Variants in SV2B observed in about 807,000 individuals in gnomAD.
The protein encoded by SV2B is solute carrier family 22 member B2.
Under a neutral mutation model 73.9 loss-of-function variants are expected in SV2B, and 41 were observed. That is an observed-to-expected ratio of 0.56 (90% confidence interval 0.43 to 0.72). SV2B has a LOEUF of 0.72. Among genes scored for constraint, SV2B ranks in the 30% least tolerant of loss-of-function variants. The probability of loss-of-function intolerance (pLI) is 0.00; values close to 1 mark genes in which losing one functional copy is unlikely to be tolerated. For missense variants in SV2B, 764 were observed against 857.8 expected (o/e 0.89, Z 1.37); for synonymous variants, 314 against 314.2 (o/e 1.00, Z 0.01).
chr15:91,270,471 A>G (rs2048255372), intron 9 of SV2B, among the ~76,000 whole-genome samples: 1 of 152,210 alleles, frequency 6.6e-6, no homozygotes, highest in African/African-American at 2.4e-5. Flanking sequence ...TCTATCTCCC[A>G]ACCCATGCAT....
chr15:91,126,447 G>A (rs1366471153), intron 1 of SV2B, among the ~76,000 whole-genome samples: 1 of 152,214 alleles, frequency 6.6e-6, no homozygotes, highest in East Asian at 1.9e-4. Context: ...AATAGTGGGA[G>A]AGAGACCTGT....
intron 1 of SV2B, among the ~76,000 whole-genome samples, chr15:91,102,581 C>T (rs1183611012): frequency 6.6e-6 from 1 of 152,020 alleles, no homozygotes. Context: ...CCAAAAAAGC[C>T]CTCTCTCAAG....
chr15:91,201,859 C>G (rs1277885002), intron 1 of SV2B, among the ~76,000 whole-genome samples: 1 of 152,176 alleles, frequency 6.6e-6, no homozygotes, highest in Non-Finnish European at 1.5e-5. Context: ...CAAGAGACTC[C>G]TATTTGGGCT....
intron 1 of SV2B, among the ~76,000 whole-genome samples, chr15:91,163,058 C>T (rs2043781644): frequency 1.3e-5 from 2 of 152,236 alleles, no homozygotes; most frequent in Admixed American, 1.3e-4. Flanking sequence ...ATGATGGTTT[C>T]CAGCTTCATC....
At position 91,144,834 on chromosome 15, in the gene SV2B, G is replaced by T. The variant is rs117493378; in HGVS notation, c.-392+44471G>T. Among the ~76,000 whole-genome samples the T allele has an allele frequency of 4.7e-4, 71 of 151,180 alleles. 3 individuals carry two copies. The South Asian group carries it at 0.013, about 27-fold the overall frequency. ...TAATTAACTCCAATCTATTTCTGCC[G>T]TGTTAATTAATGTGTGCATACAGAA... On this transcript the variant is annotated intron_variant, in intron 1 of 12. Transcript: ENST00000394232.
chr15:91,284,945 CA>C lies in SV2B; in HGVS notation c.1708+725del, dbSNP rs1173310060. ...GAAGCAAAATGTACAGATTGAGGAC[CA>C]GGGGAAATGCACATTAGAATATGAG... On this transcript the variant is annotated intron_variant, in intron 11 of 12. Transcript: ENST00000394232. This position sits in a 1 kb window ranked among gnomAD's most constrained non-coding sequence, Gnocchi z 4.5. Among the ~76,000 whole-genome samples, 2 of 152,018 alleles carry C rather than the reference CA, an allele frequency of 1.3e-5. No homozygotes were observed. Among genetic ancestry groups the C allele is most frequent in the East Asian group, 3.9e-4 (2 of 5,186 alleles).
chr15:91,169,973 AT>A (rs1482492505), intron 1 of SV2B, among the ~76,000 whole-genome samples: 3 of 152,200 alleles, frequency 2.0e-5, no homozygotes, highest in Non-Finnish European at 4.4e-5. Context: ...AAGAGAATCA[AT>A]TACTTTCCGA....
At chr15:91,135,288 A>G (rs1192584843) in intron 1 of SV2B, among the ~76,000 whole-genome samples, 2 of 152,022 alleles carry the variant, frequency 1.3e-5, no homozygotes, top group Non-Finnish European at 2.9e-5. Flanking sequence ...TCAAAAACCA[A>G]TTTTCATCCC....
chr15:91,275,758 G>A (rs2048463900), intron 9 of SV2B, among the ~76,000 whole-genome samples: 1 of 152,160 alleles, frequency 6.6e-6, no homozygotes, highest in Non-Finnish European at 1.5e-5. Flanking sequence ...CCTGGAAGGT[G>A]AAGGTTGCAG....
chr15:91,206,734 TGTTC>T (rs1161315320), intron 1 of SV2B, among the ~76,000 whole-genome samples: 1 of 152,208 alleles, frequency 6.6e-6, no homozygotes, highest in African/African-American at 2.4e-5. Flanking sequence ...AGGATATAAA[TGTTC>T]GACCTAGTAC....
rs1181899659 is a variant in SV2B at position 91,293,122 on chromosome 15, A to G, written c.*570A>G. The G allele has an allele frequency of 6.6e-6, 1 of 152,300 alleles. No individual in the cohort carries two copies. The highest frequency in any genetic ancestry group is 2.4e-5 in the African/African-American group (1 of 41,468). The allele number at this position is 152,300 out of a possible 1,614,324, so 9.4% of individuals were successfully genotyped here. On this transcript the variant is annotated 3_prime_UTR_variant, in exon 13 of 13. Transcript: ENST00000394232. ...AAAGCCAAGTATTTGAGCAACATCT[A>G]TAGAGATCTACTTTTCTCCTATGTC...
chr15:91,292,609 T>C lies in SV2B; in HGVS notation c.*57T>C. The C allele has an allele frequency of 6.4e-7, 1 of 1,559,836 alleles. No individual in the cohort carries two copies. The stretch of plus-strand genomic sequence containing the variant: ...ATCTTGTCCAGGACACTGAAATGCA[T>C]CCACACTTCCTGCCTATCACGGTCC... On this transcript the variant is annotated 3_prime_UTR_variant, in exon 13 of 13. Transcript: ENST00000394232.
intron 1 of SV2B, among the ~76,000 whole-genome samples, chr15:91,222,066 A>G (rs1318310711): frequency 6.6e-6 from 1 of 152,120 alleles, no homozygotes; most frequent in African/African-American, 2.4e-5. Context: ...TCCAGCCTGC[A>G]GTGCCTTCCT....
intron 9 of SV2B, among the ~76,000 whole-genome samples, chr15:91,276,823 A>ATTATTATTC (rs1231835402): frequency 6.7e-6 from 1 of 149,192 alleles, no homozygotes; most frequent in Non-Finnish European, 1.5e-5. Flanking sequence ...TATTATTATT[A>ATTATTATTC]TTATTATTAT....
At chr15:91,209,589 T>G (rs548037295) in intron 1 of SV2B, among the ~76,000 whole-genome samples, 1 of 152,212 alleles carries the variant, frequency 6.6e-6, no homozygotes, top group African/African-American at 2.4e-5. Context: ...GGTGCCAGAC[T>G]GAGATAATAT....
chr15:91,129,837 G>T lies in SV2B; in HGVS notation c.-392+29474G>T, dbSNP rs2042589610. ...GTAAGTATGGTTTTCCTCAGCCTGT[G>T]TTTCCTCATCTGTAAAAGAGAGACA... On this transcript the variant is annotated intron_variant, in intron 1 of 12. Coordinates refer to ENST00000394232, the MANE Select transcript of SV2B (RefSeq NM_001323032.3). This position sits in a 1 kb window ranked among gnomAD's most constrained non-coding sequence, Gnocchi z 5.1. 6.6e-6 allele frequency among the ~76,000 whole-genome samples: 1 copy of T among 152,154 alleles called. No individual in the cohort carries two copies. The highest frequency in any genetic ancestry group is 1.9e-4 in the East Asian group (1 of 5,190).
At chr15:91,158,633 CCTCTTCTCTTCTCTTCTCTTCTCTT>C (rs368190783) in intron 1 of SV2B, among the ~76,000 whole-genome samples, 3 of 54,412 alleles carry the variant, frequency 5.5e-5, no homozygotes, top group Admixed American at 1.9e-4. Context: ...TTTTATTTTC[CCTCTTCTCTTCTCTTCTCTTCTCTT>C]CTCTTCTCTT....
At position 91,261,355 on chromosome 15, in the gene SV2B, CATT is replaced by C. The variant is rs752263466; in HGVS notation, c.1008+950_1008+952del. ...ACATATTATTTAATAGTATAGCACT[CATT>C]ATTGTTTTATATGCTGTCTCCTAGT... On this transcript the variant is annotated intron_variant, in intron 6 of 12. Coordinates refer to ENST00000394232, the MANE Select transcript of SV2B (RefSeq NM_001323032.3). The surrounding 1 kb of genome is among the most constrained non-coding windows in gnomAD (Gnocchi z 4.7). Among the ~76,000 whole-genome samples, 11 of 152,222 alleles carry C rather than the reference CATT, an allele frequency of 7.2e-5. No individual in the cohort carries two copies. Among genetic ancestry groups the C allele is most frequent in the Admixed American group, 3.9e-4 (6 of 15,288 alleles).
intron 1 of SV2B, among the ~76,000 whole-genome samples, chr15:91,143,372 C>G (rs2043053089): frequency 6.6e-6 from 1 of 152,178 alleles, no homozygotes; most frequent in Non-Finnish European, 1.5e-5. Flanking sequence ...ACCATTGAAA[C>G]AGGTTGCCAT....
Sources: allele counts gnomAD v4.1 joint callset (sites outside exome capture counted in the v4.1 genomes callset), GRCh38; gene constraint gnomAD v4.1.1; non-coding constraint Gnocchi (gnomAD v3.1); transcripts MANE v1.5; gene names NCBI Gene and HGNC (gene_info 2026-07-23, HGNC 2026-07-21).